The following CNKSR3 variants were observed in gnomAD, a reference collection of about 807,000 sequenced individuals.
CNKSR3 encodes CNKSR family member 3, also known as connector enhancer of kinase suppressor of ras 3.
CNKSR3 carries 36 observed loss-of-function variants against 67.7 expected under a neutral mutation model. The observed-to-expected ratio is 0.53, with a 90% CI of 0.41 to 0.70. The LOEUF (loss-of-function observed/expected upper bound fraction) is 0.70, where lower values mean the gene tolerates loss of function less well. CNKSR3 is among the 30% of genes least tolerant of loss of function. The pLI, the probability that CNKSR3 is intolerant of heterozygous loss-of-function variation, is 0.00. For synonymous variants in CNKSR3, 281 were observed against 271.4 expected (o/e 1.04, Z -0.35); for missense variants, 630 against 695.2 (o/e 0.91, Z 1.05).
At position 154,438,682 on chromosome 6, in the gene CNKSR3, T is replaced by C. The variant is rs77868887; in HGVS notation, c.507+2610A>G. 4.2e-3 allele frequency among the ~76,000 whole-genome samples: 638 copies of C among 152,272 alleles called. 4 individuals carry two copies. The highest frequency in any genetic ancestry group is 0.014 in the African/African-American group (602 of 41,564). On this transcript the variant is annotated intron_variant, in intron 4 of 12. Coordinates refer to ENST00000607772, the MANE Select transcript of CNKSR3 (RefSeq NM_173515.4). ...TAACCACTAGACTAACCTCCCTCAGTGAGCACCACAGGAAAAAGAGAAACA... is the reference window on the plus strand; with the variant it reads ...TAACCACTAGACTAACCTCCCTCAGCGAGCACCACAGGAAAAAGAGAAACA...
chr6:154,461,363 T>C (rs56995248), intron 1 of CNKSR3, among the ~76,000 whole-genome samples: 2,044 of 152,304 alleles, frequency 0.013, 26 homozygotes, highest in African/African-American at 0.036. Context: ...ACTTACTATG[T>C]TTTTGGCACC....
rs528481846 is a variant in CNKSR3, at chr6:154,396,864, A to C, written c.*9490T>G. 2 of 151,758 alleles carry C rather than the reference A, an allele frequency of 1.3e-5. No individual in the cohort carries two copies. Among genetic ancestry groups the C allele is most frequent in the South Asian group, 2.1e-4 (1 of 4,822 alleles). 9.4% of individuals were successfully genotyped at this position (151,758 alleles called of 1,614,324 possible). On this transcript the variant is annotated 3_prime_UTR_variant, in exon 13 of 13. Coordinates refer to ENST00000607772, the MANE Select transcript of CNKSR3 (RefSeq NM_173515.4). The stretch of plus-strand genomic sequence containing the variant: ...TCCCAGGCTGGAGTGCAGTGGCGCA[A>C]TCTCGGCTCACTGCAAGTTGCGCCT...
At chr6:154,417,289 A>G (rs762362443) in intron 9 of CNKSR3, among the ~76,000 whole-genome samples, 35 of 152,224 alleles carry the variant, frequency 2.3e-4, no homozygotes, top group East Asian at 1.9e-4. Context: ...GAAAGATTAC[A>G]TACCTTGACT....
In CNKSR3 at chr6:154,399,449, C is replaced by A. The variant is rs1044008811; in HGVS notation, c.*6905G>T. On this transcript the variant is annotated 3_prime_UTR_variant, in exon 13 of 13. Transcript: ENST00000607772. ...CTTCGAAGTAGATGCTAGTATTATC[C>A]CCATTTCATAGATAACTGAGGAGTG... 6.6e-6 allele frequency: 1 copy of A among 152,062 alleles called. No individual in the cohort carries two copies. The highest frequency in any genetic ancestry group is 2.4e-5 in the African/African-American group (1 of 41,398). 9.4% of individuals were successfully genotyped at this position (152,062 alleles called of 1,614,324 possible). A position where few individuals can be genotyped will look rare whatever the true frequency, so the allele number is the denominator to read the frequency against.
At chr6:154,432,612 C>G (rs1235127709) in intron 5 of CNKSR3, among the ~76,000 whole-genome samples, 1 of 152,140 alleles carries the variant, frequency 6.6e-6, no homozygotes, top group Non-Finnish European at 1.5e-5. Flanking sequence ...CCCAAATTTT[C>G]CCCTATGTTA....
At position 154,436,253 on chromosome 6, in the gene CNKSR3, C is replaced by T. The variant is rs1391701124; in HGVS notation, c.508-2746G>A. On this transcript the variant is annotated intron_variant, in intron 4 of 12. Coordinates refer to ENST00000607772, the MANE Select transcript of CNKSR3 (RefSeq NM_173515.4). Reference sequence around the variant, plus strand: ...GTGGCATGAACATGGCTCACTGCAGCCTCCGCTTCCCAAGCTCAAGCAATC... The same window carrying T: ...GTGGCATGAACATGGCTCACTGCAGTCTCCGCTTCCCAAGCTCAAGCAATC... Among the ~76,000 whole-genome samples, 2 of 152,194 alleles carry T rather than the reference C, an allele frequency of 1.3e-5. 1 individual carries two copies. The highest frequency in any genetic ancestry group is 2.9e-5 in the Non-Finnish European group (2 of 68,034).
rs1933685 is a variant in CNKSR3 at position 154,394,777 on chromosome 6, C to T, written c.*11577G>A. The T allele has an allele frequency of 0.11, 16,176 of 152,134 alleles. 1,162 individuals carry two copies. Among genetic ancestry groups the T allele is most frequent in the Admixed American group, 0.24 (3,677 of 15,264 alleles). 9.4% of individuals were successfully genotyped at this position (152,134 alleles called of 1,614,324 possible). A position where few individuals can be genotyped will look rare whatever the true frequency, so the allele number is the denominator to read the frequency against. Reference sequence around the variant, plus strand: ...TTAGGAAAGCCATCAGATAACTGTCCGATTCTGTTCTTAGTCCTCTTGCCA... The same window carrying T: ...TTAGGAAAGCCATCAGATAACTGTCTGATTCTGTTCTTAGTCCTCTTGCCA... On this transcript the variant is annotated 3_prime_UTR_variant, in exon 13 of 13. Coordinates refer to ENST00000607772, the MANE Select transcript of CNKSR3 (RefSeq NM_173515.4).
chr6:154,449,918 A>C (rs1364214045), intron 2 of CNKSR3, among the ~76,000 whole-genome samples, 177 bp downstream of exon 2: 1 of 137,762 alleles, frequency 7.3e-6, no homozygotes, highest in Non-Finnish European at 1.5e-5. Context: ...TAGTTTGCCA[A>C]CCTTTAATGT....
chr6:154,491,825 G>A (rs1786789376), intron 1 of CNKSR3, among the ~76,000 whole-genome samples: 1 of 152,176 alleles, frequency 6.6e-6, no homozygotes, highest in Admixed American at 6.5e-5. Flanking sequence ...GTTCAGGGAG[G>A]GCATAACATG....
intron 1 of CNKSR3, among the ~76,000 whole-genome samples, chr6:154,495,085 T>C (rs974289236): frequency 6.6e-5 from 10 of 152,218 alleles, no homozygotes; most frequent in African/African-American, 2.2e-4. Flanking sequence ...CACTCAAGCT[T>C]GAGGACCTGA....
chr6:154,420,353 G>A (rs1048243342), intron 9 of CNKSR3, among the ~76,000 whole-genome samples: 13 of 152,212 alleles, frequency 8.5e-5, no homozygotes, highest in African/African-American at 2.4e-4. Context: ...GGAAGAATAA[G>A]CTCAAGAGAT....
chr6:154,487,907 G>A (rs1786711595), intron 1 of CNKSR3, among the ~76,000 whole-genome samples: 1 of 152,016 alleles, frequency 6.6e-6, no homozygotes, highest in Admixed American at 6.6e-5. Flanking sequence ...CCATCTCAAG[G>A]ACAAATGTTA....
At chr6:154,459,866 G>C (rs1786042258) in intron 1 of CNKSR3, among the ~76,000 whole-genome samples, 2 of 151,970 alleles carry the variant, frequency 1.3e-5, no homozygotes, top group South Asian at 4.1e-4. Flanking sequence ...GAAAACAACA[G>C]TCAGACGGGC....
Position 154,396,796 on chromosome 6 carries a change from GTTTTC to G in CNKSR3, c.*9553_*9557del, listed in dbSNP as rs1483771869. 6.8e-5 allele frequency: 10 copies of G among 146,906 alleles called. No homozygotes were observed. The highest frequency in any genetic ancestry group is 4.8e-4 in the Admixed American group (7 of 14,620). The allele number at this position is 146,906 out of a possible 1,614,324, so 9.1% of individuals were successfully genotyped here. A position where few individuals can be genotyped will look rare whatever the true frequency, so the allele number is the denominator to read the frequency against. On this transcript the variant is annotated 3_prime_UTR_variant, in exon 13 of 13. Transcript: ENST00000607772. ...AAGCATCAGCAAAAATTCACTAATT[GTTTTC>G]TTTTTTTTTTTTTTTTGAGACGGAG...
At chr6:154,484,193 C>T (rs1786620130) in intron 1 of CNKSR3, among the ~76,000 whole-genome samples, 2 of 152,166 alleles carry the variant, frequency 1.3e-5, no homozygotes, top group African/African-American at 4.8e-5. Flanking sequence ...GATCGAAGGT[C>T]ATTATCAACC....
At chr6:154,475,964 G>C (rs1169050146) in intron 1 of CNKSR3, among the ~76,000 whole-genome samples, 1 of 152,044 alleles carries the variant, frequency 6.6e-6, no homozygotes, top group Non-Finnish European at 1.5e-5. Flanking sequence ...GTGTAAGAAG[G>C]CTTGGGGGTG....
chr6:154,437,303 A>G (rs1785490654), intron 4 of CNKSR3, among the ~76,000 whole-genome samples: 1 of 151,820 alleles, frequency 6.6e-6, no homozygotes, highest in South Asian at 2.1e-4. Flanking sequence ...CACAACGCAC[A>G]TGGGGTAAGC....
At chr6:154,415,291 CG>C (rs1785002429) in intron 9 of CNKSR3, among the ~76,000 whole-genome samples, 1 of 138,284 alleles carries the variant, frequency 7.2e-6, no homozygotes, top group South Asian at 2.4e-4. Flanking sequence ...AGCACAGTGG[CG>C]CCATCTTGGC....
At position 154,406,621 on chromosome 6, in the gene CNKSR3, G is replaced by A. The variant is rs148296759; in HGVS notation, c.1401C>T (p.Asn467=). ...CTTCAATGATCGGAGGAATCCGCTC[G>A]TTACTGAAATACCGGCAAAGGGCAT... The part of the protein sequence containing the change: ...GEDALCRYFS[N]ERIPPIIEES... Residue 467 remains asparagine, a synonymous_variant, in exon 13 of 13, where the codon AAC becomes AAT. Transcript: ENST00000607772. 1.1e-3 allele frequency: 1,825 copies of A among 1,613,620 alleles called. 11 individuals carry two copies. The highest frequency in any genetic ancestry group is 6.8e-3 in the South Asian group (621 of 91,058).
Sources: gnomAD v4.1 joint callset for allele counts (sites outside exome capture counted in the v4.1 genomes callset) on GRCh38, gnomAD v4.1.1 for gene constraint, MANE v1.5 for transcripts, NCBI Gene and HGNC (gene_info 2026-07-23, HGNC 2026-07-21) for gene names.